Variants in XRCC1 observed in about 807,000 individuals in gnomAD.
XRCC1 encodes DNA repair protein XRCC1.
In XRCC1, 52 loss-of-function variants were observed where a neutral mutation model predicts 83.3. The observed-to-expected ratio is 0.62, with a 90% CI of 0.50 to 0.79. XRCC1 has a LOEUF of 0.79. XRCC1 is among the 30% of genes least tolerant of loss of function. The pLI is 0.00. For missense variants in XRCC1, 793 were observed against 823.5 expected (o/e 0.96, Z 0.45); for synonymous variants, 281 against 312.6 (o/e 0.90, Z 1.07).
At chr19:43,549,390 G>T (rs2854502) in intron 10 of XRCC1, among the ~76,000 whole-genome samples, 1 of 151,952 alleles carries the variant, frequency 6.6e-6, no homozygotes, top group Admixed American at 6.6e-5. Context: ...CTCTAGAGTA[G>T]CTGGGGCTAC....
At chr19:43,563,507 CAACAAAAACAACAAT>C (rs1203709697) in intron 2 of XRCC1, among the ~76,000 whole-genome samples, 4 of 151,976 alleles carry the variant, frequency 2.6e-5, no homozygotes, top group Non-Finnish European at 4.4e-5. Flanking sequence ...ACAACAACAA[CAACAAAAACAACAAT>C]AACAAGAAGT....
At chr19:43,571,995 T>G (rs797008604) in intron 2 of XRCC1, among the ~76,000 whole-genome samples, 48 of 152,294 alleles carry the variant, frequency 3.2e-4, no homozygotes, top group African/African-American at 1.2e-3. Flanking sequence ...CCCAACTGCC[T>G]CCTGGATGCC....
At chr19:43,558,749 AG>A (rs1266307103) in intron 3 of XRCC1, among the ~76,000 whole-genome samples, 1 of 152,160 alleles carries the variant, frequency 6.6e-6, no homozygotes, top group Non-Finnish European at 1.5e-5. Context: ...AACAGAGAAG[AG>A]AGTACAGAAA....
At position 43,546,567 on chromosome 19, in the gene XRCC1, C is replaced by G. The variant is rs377081025; in HGVS notation, c.1426+28G>C. ...CTCCCTCAGACTCAGGAGCCCAGGC[C>G]CCAGCCCCTCCTCCCTCAGAGTCTG... On this transcript the variant is annotated intron_variant, in intron 12 of 16. Transcript: ENST00000262887. 6.9e-6 allele frequency: 11 copies of G among 1,589,932 alleles called. No individual in the cohort carries two copies. In the African/African-American group the frequency reaches 1.2e-4, roughly 18 times the overall value.
chr19:43,553,994 G>A (rs577114856), intron 4 of XRCC1, among the ~76,000 whole-genome samples: 2 of 152,282 alleles, frequency 1.3e-5, no homozygotes, highest in African/African-American at 4.8e-5. Flanking sequence ...AGGGAGTGCT[G>A]CGTGCCACTT....
At position 43,543,364 on chromosome 19, in the gene XRCC1, G is replaced by GTC. The variant is rs1555767811; in HGVS notation, c.*27_*28insGA. On this transcript the variant is annotated 3_prime_UTR_variant, in exon 17 of 17. Coordinates refer to ENST00000262887, the MANE Select transcript of XRCC1 (RefSeq NM_006297.3). ...ATCGTGTGTGTGTGTGTGTGTGTGT[G>GTC]TGTGTGTGTGTGTGTATAGCACATA... 1,772 of 1,405,672 alleles carry GTC rather than the reference G, an allele frequency of 1.3e-3. 17 individuals are homozygous for GTC. The African/African-American group carries it at 0.023, about 18-fold the overall frequency. 87.1% of individuals were successfully genotyped at this position (1,405,672 alleles called of 1,614,324 possible). A position where few individuals can be genotyped will look rare whatever the true frequency, so the allele number is the denominator to read the frequency against.
intron 3 of XRCC1, 61 bp from the exon 4 acceptor site, chr19:43,554,865 T>C: frequency 6.4e-7 from 1 of 1,558,562 alleles, no homozygotes; most frequent in Non-Finnish European, 8.7e-7. Flanking sequence ...TGAGAGCTTC[T>C]AGGGGCTGGG....
In XRCC1 at chr19:43,543,362, G is replaced by A. The variant is rs1194476499; in HGVS notation, c.*30C>T. 2.2e-6 allele frequency: 3 copies of A among 1,390,130 alleles called. No homozygotes were observed. Among genetic ancestry groups the A allele is most frequent in the South Asian group, 1.2e-5 (1 of 86,552 alleles). 86.1% of individuals were successfully genotyped at this position (1,390,130 alleles called of 1,614,324 possible). A position where few individuals can be genotyped will look rare whatever the true frequency, so the allele number is the denominator to read the frequency against. On this transcript the variant is annotated 3_prime_UTR_variant, in exon 17 of 17. Transcript: ENST00000262887. ...GCATCGTGTGTGTGTGTGTGTGTGT[G>A]TGTGTGTGTGTGTGTGTATAGCACA...
chr19:43,560,115 G>A lies in XRCC1; in HGVS notation c.255+795C>T, dbSNP rs185452455. On this transcript the variant is annotated intron_variant, in intron 3 of 16. Coordinates refer to ENST00000262887, the MANE Select transcript of XRCC1 (RefSeq NM_006297.3). ...ATGAACAAAAGAAAAAGAAGGCCAG[G>A]CGCAGTGGCTCACGCCTGTAATCCC... Among the ~76,000 whole-genome samples, 57 of 151,986 alleles carry A rather than the reference G, an allele frequency of 3.8e-4. 1 individual carries two copies. Among genetic ancestry groups the A allele is most frequent in the African/African-American group, 1.3e-3 (53 of 41,432 alleles).
chr19:43,553,268 G>T, intron 6 of XRCC1, 133 bp downstream of exon 6: 1 of 1,192,604 alleles, frequency 8.4e-7, no homozygotes, highest in Non-Finnish European at 1.2e-6. Context: ...TCCACCCTGA[G>T]ACCCAGGAGT....
At chr19:43,571,886 T>C (rs1463508641) in intron 2 of XRCC1, among the ~76,000 whole-genome samples, 1 of 152,158 alleles carries the variant, frequency 6.6e-6, no homozygotes, top group Non-Finnish European at 1.5e-5. Context: ...AATAAATGAG[T>C]GAATGAACAA....
rs546533116 is a variant in XRCC1, at chr19:43,571,791, A to G, written c.144+3119T>C. On this transcript the variant is annotated intron_variant, in intron 2 of 16. Transcript: ENST00000262887. ...CGTGAGCTTACTGCACCCCACTGAG[A>G]GTGAATATTTTTTGTCTTCTGCTGT... Among the ~76,000 whole-genome samples the G allele has an allele frequency of 5.9e-5, 9 of 152,324 alleles. No homozygotes were observed. In the South Asian group the frequency reaches 1.7e-3, roughly 28 times the overall value.
chr19:43,557,075 A>C (rs1972644124), intron 3 of XRCC1, among the ~76,000 whole-genome samples: 1 of 151,944 alleles, frequency 6.6e-6, no homozygotes, highest in Non-Finnish European at 1.5e-5. Flanking sequence ...TTGGGAGGCC[A>C]AAGCAGGCAA....
chr19:43,574,961 T>G lies in XRCC1; in HGVS notation c.93A>C (p.Arg31=), dbSNP rs1211854354. 1 of 1,614,202 alleles carries G rather than the reference T, an allele frequency of 6.2e-7. No individual in the cohort carries two copies. The highest frequency in any genetic ancestry group is 1.3e-5 in the African/African-American group (1 of 75,050). Residue 31 remains arginine, a synonymous_variant, in exon 2 of 17, where the codon CGA becomes CGC. Transcript: ENST00000262887. ...CGCCTGCCTTGGCTGCCCGCCATTTTCGGTAAGTGTCTGCCTTGAGAAGAT... is the reference window on the plus strand; with the variant it reads ...CGCCTGCCTTGGCTGCCCGCCATTTGCGGTAAGTGTCTGCCTTGAGAAGAT... ...AENLLKADTY[R]KWRAAKAGEK...
At chr19:43,571,948 A>G (rs568999147) in intron 2 of XRCC1, among the ~76,000 whole-genome samples, 1 of 152,226 alleles carries the variant, frequency 6.6e-6, no homozygotes, top group South Asian at 2.1e-4. Flanking sequence ...TGCACTGACA[A>G]CTTCCCCACA....
At chr19:43,565,465 A>G (rs1972742972) in intron 2 of XRCC1, among the ~76,000 whole-genome samples, 1 of 151,970 alleles carries the variant, frequency 6.6e-6, no homozygotes, top group Non-Finnish European at 1.5e-5. Flanking sequence ...ACTGTTCTCA[A>G]CTCCTTTCTT....
chr19:43,564,540 G>A (rs960567579), intron 2 of XRCC1, among the ~76,000 whole-genome samples: 2 of 152,126 alleles, frequency 1.3e-5, no homozygotes, highest in Non-Finnish European at 2.9e-5. Flanking sequence ...TGTAATCCCA[G>A]AACTTTGGGA....
chr19:43,575,441 G>A lies in XRCC1; in HGVS notation c.18C>T (p.Leu6=), dbSNP rs1324195632. 6.2e-7 allele frequency: 1 copy of A among 1,612,368 alleles called. No homozygotes were observed. Among genetic ancestry groups the A allele is most frequent in the Non-Finnish European group, 8.5e-7 (1 of 1,178,856 alleles). MPEIR[L]RHVVSCSSQD... ...GGCTGCTGCAGGACACGACATGGCGGAGGCGGATCTCCGGCATGTCAACGT... is the reference window on the plus strand; with the variant it reads ...GGCTGCTGCAGGACACGACATGGCGAAGGCGGATCTCCGGCATGTCAACGT... Residue 6 remains leucine, a synonymous_variant, in exon 1 of 17, where the codon CTC becomes CTT. Transcript: ENST00000262887.
At chr19:43,547,762 A>C (rs569844822) in intron 10 of XRCC1, among the ~76,000 whole-genome samples, 26 of 152,126 alleles carry the variant, frequency 1.7e-4, no homozygotes, top group South Asian at 1.0e-3. Flanking sequence ...AGCCTCCCAA[A>C]GTGCTGGGAT....
Sources: gnomAD v4.1 joint callset for allele counts (sites outside exome capture counted in the v4.1 genomes callset) on GRCh38, gnomAD v4.1.1 for gene constraint, MANE v1.5 for transcripts, NCBI Gene and HGNC (gene_info 2026-07-23, HGNC 2026-07-21) for gene names.